Variants in ZNF169 observed in about 807,000 individuals in gnomAD.
ZNF169 encodes the protein zinc finger protein 169.
A neutral mutation model predicts 12.0 loss-of-function variants in ZNF169; 11 were observed. The observed-to-expected ratio is 0.92, with a 90% CI of 0.58 to 1.52. The LOEUF (loss-of-function observed/expected upper bound fraction) is 1.52, where lower values mean the gene tolerates loss of function less well. Among genes scored for constraint, ZNF169 ranks in the 40% most tolerant of loss-of-function variants. The pLI, the probability that ZNF169 is intolerant of heterozygous loss-of-function variation, is 0.00. For synonymous variants in ZNF169, 302 were observed against 286.5 expected (o/e 1.05, Z -0.55); for missense variants, 722 against 744.0 (o/e 0.97, Z 0.34).
In ZNF169 at chr9:94,301,110, G is replaced by T; in HGVS notation, c.1552G>T (p.Val518Leu). The T allele has an allele frequency of 6.2e-7, 1 of 1,614,142 alleles. No individual in the cohort carries two copies. ...AGAGGAGGAGCTTTACGTAGACAGG[G>T]TGTGTGGACAAGGACTTGGCCAGAA... ...HSEEELYVDR[V>L]CGQGLGQKSH... The change falls in exon 5 of 5, where the codon GTG becomes TTG. Residue 518 changes from valine to leucine, a missense_variant. By Grantham distance (32) the Val-to-Leu change is conservative. Coordinates refer to ENST00000395395, the MANE Select transcript of ZNF169 (RefSeq NM_194320.4).
At position 94,300,725 on chromosome 9, in the gene ZNF169, C is replaced by G. The variant is rs138394243; in HGVS notation, c.1167C>G (p.Leu389=). The G allele has an allele frequency of 1.8e-4, 287 of 1,613,596 alleles. No individual in the cohort carries two copies. Among genetic ancestry groups the G allele is most frequent in the Non-Finnish European group, 2.3e-4 (270 of 1,179,784 alleles). ...GTAGCTTCAGGCAGCAGTCACTCCT[C>G]CTTAGTCACCAGGTCACACACTCAG... ...CGRSFRQQSL[L]LSHQVTHSGE... The change falls in exon 5 of 5, where the codon CTC becomes CTG. Residue 389 remains leucine (L), a synonymous_variant. Transcript: ENST00000395395.
intron 1 of ZNF169, among the ~76,000 whole-genome samples, chr9:94,276,819 TGTTA>T (rs1242089513): frequency 1.3e-5 from 2 of 152,222 alleles, no homozygotes; most frequent in Non-Finnish European, 2.9e-5. Context: ...GTTGCAAACA[TGTTA>T]GTTCACACCA....
At chr9:94,265,744 A>C (rs187271224) in intron 1 of ZNF169, among the ~76,000 whole-genome samples, 6 of 152,250 alleles carry the variant, frequency 3.9e-5, no homozygotes, top group African/African-American at 1.4e-4. Context: ...AAATTTATTT[A>C]ATCTAAGTGG....
intron 3 of ZNF169, 177 bp downstream of exon 3, chr9:94,292,644 C>CGT (rs1564091424): frequency 1.4e-5 from 7 of 488,904 alleles, no homozygotes; most frequent in African/African-American, 4.6e-5. Flanking sequence ...TGTGTGTGCG[C>CGT]GTGCACATGC....
chr9:94,301,307 T>G lies in ZNF169; in HGVS notation c.1749T>G (p.Ser583=). 6.2e-7 allele frequency: 1 copy of G among 1,614,238 alleles called. No individual in the cohort carries two copies. Among genetic ancestry groups the G allele is most frequent in the Non-Finnish European group, 8.5e-7 (1 of 1,180,036 alleles). ...GTGGGCGTGGCTTTAGCCAGAAGTCTCACTTGCATAGACACAGGAGGACCA... is the reference window on the plus strand; with the variant it reads ...GTGGGCGTGGCTTTAGCCAGAAGTCGCACTTGCATAGACACAGGAGGACCA... The part of the protein sequence containing the change: ...RECGRGFSQK[S]HLHRHRRTKS... Residue 583 remains serine (S), a synonymous_variant, in exon 5 of 5, where the codon TCT becomes TCG. Coordinates refer to ENST00000395395, the MANE Select transcript of ZNF169 (RefSeq NM_194320.4).
intron 2 of ZNF169, chr9:94,288,414 T>C: frequency 7.9e-7 from 1 of 1,265,936 alleles, no homozygotes; most frequent in South Asian, 1.2e-5. Flanking sequence ...CAGTGTTGGC[T>C]GAGCCTGAGC....
At chr9:94,294,222 G>A (rs996231658) in intron 4 of ZNF169, 5 of 152,092 alleles carry the variant, frequency 3.3e-5, no homozygotes, top group Admixed American at 6.6e-5. Context: ...GGTGGATCAC[G>A]AGGTCAGGAA....
Position 94,300,288 on chromosome 9 carries a change from T to C in ZNF169, c.730T>C (p.Cys244Arg), listed in dbSNP as rs1831035126. The part of the protein sequence containing the change: ...HVCPECGRGF[C>R]QRSDLIKHQR... ...GTGCCCTGAATGCGGGAGAGGCTTT[T>C]GCCAGAGATCAGACCTTATCAAGCA... Residue 244 changes from cysteine to arginine, a missense_variant, in exon 5 of 5, where the codon TGC (cysteine) becomes CGC (arginine). Coordinates refer to ENST00000395395, the MANE Select transcript of ZNF169 (RefSeq NM_194320.4). The C allele has an allele frequency of 6.2e-7, 1 of 1,614,190 alleles. No individual in the cohort carries two copies.
At chr9:94,292,288 G>A in intron 2 of ZNF169, 53 bp from the exon 3 acceptor site, 1 of 1,613,236 alleles carries the variant, frequency 6.2e-7, no homozygotes. Context: ...GGCTTAAGTT[G>A]GTTAGTGGGC....
intron 2 of ZNF169, among the ~76,000 whole-genome samples, chr9:94,291,765 C>T (rs1830844205): frequency 6.6e-6 from 1 of 151,990 alleles, no homozygotes; most frequent in Non-Finnish European, 1.5e-5. Flanking sequence ...GTAAATCTAA[C>T]AAAATGTGTA....
intron 1 of ZNF169, among the ~76,000 whole-genome samples, chr9:94,274,411 CTTT>C (rs2118579453): frequency 1.3e-5 from 2 of 152,298 alleles, no homozygotes; most frequent in East Asian, 1.9e-4. Flanking sequence ...GGAATTTCTT[CTTT>C]GATTCATATC....
chr9:94,299,512 T>G, intron 4 of ZNF169: 2 of 1,298,494 alleles, frequency 1.5e-6, no homozygotes, highest in Non-Finnish European at 1.9e-6. Flanking sequence ...TCAGGCAAGG[T>G]TTAATAGGCT....
chr9:94,279,964 A>G (rs374082532), intron 2 of ZNF169, among the ~76,000 whole-genome samples: 3 of 152,260 alleles, frequency 2.0e-5, no homozygotes, highest in South Asian at 2.1e-4. Context: ...GATGTAGCTG[A>G]ATGGAATTAA....
At chr9:94,272,800 G>A (rs769612878) in intron 1 of ZNF169, among the ~76,000 whole-genome samples, 51 of 152,184 alleles carry the variant, frequency 3.4e-4, no homozygotes, top group Middle Eastern at 6.8e-3. Flanking sequence ...ACTGTTTTCT[G>A]TAGTGGCTAC....
intron 2 of ZNF169, among the ~76,000 whole-genome samples, chr9:94,285,914 G>T (rs1465383434): frequency 6.6e-6 from 1 of 152,058 alleles, no homozygotes; most frequent in East Asian, 1.9e-4. Flanking sequence ...AGGAGGCTGA[G>T]GTAGGAGAAT....
intron 2 of ZNF169, among the ~76,000 whole-genome samples, chr9:94,283,244 A>G (rs1252857124): frequency 6.6e-6 from 1 of 152,140 alleles, no homozygotes; most frequent in East Asian, 1.9e-4. Context: ...CTCTGTCTCT[A>G]CTAAAAACAC....
At chr9:94,286,812 A>T (rs749665088) in intron 2 of ZNF169, among the ~76,000 whole-genome samples, 10 of 152,306 alleles carry the variant, frequency 6.6e-5, no homozygotes, top group Middle Eastern at 3.4e-3. Flanking sequence ...CACAAAAAGG[A>T]GTAAGTCCTG....
At chr9:94,271,919 C>A (rs3118761) in intron 1 of ZNF169, among the ~76,000 whole-genome samples, 1 of 104,340 alleles carries the variant, frequency 9.6e-6, no homozygotes, top group Admixed American at 1.0e-4. Flanking sequence ...GAAGTATTGC[C>A]GTCTCTCCTA....
At chr9:94,260,342 C>G (rs11794857) in intron 1 of ZNF169, among the ~76,000 whole-genome samples, 31,840 of 152,180 alleles carry the variant, frequency 0.21, 3,676 homozygotes, top group Non-Finnish European at 0.25. Context: ...CGTGAGCCAC[C>G]GTGCCCAACC....
Sources: gnomAD v4.1 joint callset for allele counts (sites outside exome capture counted in the v4.1 genomes callset) on GRCh38, gnomAD v4.1.1 for gene constraint, MANE v1.5 for transcripts, NCBI Gene and HGNC (gene_info 2026-07-23, HGNC 2026-07-21) for gene names.